Variants in HUNK observed in about 807,000 individuals in gnomAD.
The protein encoded by HUNK is hormonally up-regulated Neu-associated kinase.
Under a neutral mutation model 61.0 loss-of-function variants are expected in HUNK, and 21 were observed. The ratio of observed to expected loss-of-function variants is 0.34; its 90% CI spans 0.24 to 0.50. The LOEUF is 0.50. Among genes scored for constraint, HUNK ranks in the 20% least tolerant of loss-of-function variants. The probability of loss-of-function intolerance (pLI) is 0.98; values close to 1 mark genes in which losing one functional copy is unlikely to be tolerated. For synonymous variants in HUNK, 371 were observed against 386.1 expected (o/e 0.96, Z 0.46); for missense variants, 772 against 945.7 (o/e 0.82, Z 2.41).
rs2053258072 is a variant in HUNK, at chr21:32,003,290, G to T, written c.*4106G>T. 1 of 152,198 alleles carries T rather than the reference G, an allele frequency of 6.6e-6. No homozygotes were observed. The highest frequency in any genetic ancestry group is 1.9e-4 in the East Asian group (1 of 5,198). 9.4% of individuals were successfully genotyped at this position (152,198 alleles called of 1,614,324 possible). On this transcript the variant is annotated 3_prime_UTR_variant, in exon 11 of 11. Transcript: ENST00000270112. ...CCATCCACTCTTGAAGCTGGGGAAA[G>T]ACAGCTTTCTTTGGGAACTCTGTCT...
intron 10 of HUNK, among the ~76,000 whole-genome samples, chr21:31,997,668 T>C (rs1410403471): frequency 6.6e-6 from 1 of 152,256 alleles, no homozygotes. Flanking sequence ...ATATACTTAT[T>C]ATTGCTGAAC....
chr21:31,981,790 G>T (rs996492000), intron 7 of HUNK, among the ~76,000 whole-genome samples: 2 of 152,124 alleles, frequency 1.3e-5, no homozygotes, highest in Non-Finnish European at 2.9e-5. Flanking sequence ...ATAAGATCGT[G>T]TATCTACAAA....
chr21:31,995,916 G>A lies in HUNK; in HGVS notation c.1454G>A (p.Arg485Gln), dbSNP rs769777844. 4.5e-5 allele frequency: 72 copies of A among 1,613,694 alleles called. 1 individual carries two copies. The South Asian group carries it at 5.6e-4, about 13-fold the overall frequency. ...AACACCAAAGCCCTCCTGAAGGACC[G>A]GAAGGCCTCCAAGTCCAGCTTCCCC... Reference protein sequence around the residue: ...IQNTKALLKDRKASKSSFPDK... With the variant: ...IQNTKALLKDQKASKSSFPDK... The change falls in exon 10 of 11, where the codon CGG (arginine) becomes CAG (glutamine). Residue 485 changes from arginine (R) to glutamine (Q), a missense_variant. Physicochemically the swap from Arg to Gln is conservative, Grantham distance 43. Around this residue, in one of 2 missense-constraint regions of HUNK, gnomAD observed 413 missense variants for 444.4 expected, o/e 0.93. Coordinates refer to ENST00000270112, the MANE Select transcript of HUNK (RefSeq NM_014586.2).
intron 4 of HUNK, among the ~76,000 whole-genome samples, chr21:31,947,990 C>G (rs1240722521): frequency 6.6e-6 from 1 of 152,178 alleles, no homozygotes; most frequent in East Asian, 1.9e-4. Context: ...TGATGTGTGC[C>G]AGACACCATG....
chr21:31,951,761 G>C (rs2052851457), intron 4 of HUNK, among the ~76,000 whole-genome samples: 1 of 152,230 alleles, frequency 6.6e-6, no homozygotes, highest in Non-Finnish European at 1.5e-5. Context: ...TGGGTGTTCA[G>C]GAGGGAGAGT....
chr21:31,882,937 T>C (rs2052319311), intron 1 of HUNK, among the ~76,000 whole-genome samples: 1 of 152,168 alleles, frequency 6.6e-6, no homozygotes. Context: ...TTATGTTAAT[T>C]AGTTATTGCA....
chr21:31,956,248 T>C (rs2052888688), intron 4 of HUNK, among the ~76,000 whole-genome samples: 1 of 152,206 alleles, frequency 6.6e-6, no homozygotes, highest in Non-Finnish European at 1.5e-5. Flanking sequence ...TGGCTTAGCC[T>C]TGGAAAGCTT....
chr21:31,873,592 A>C lies in HUNK; in HGVS notation c.-83A>C. The stretch of plus-strand genomic sequence containing the variant: ...CTGGGCCCAGGGCGGCGGCGGGAGA[A>C]GCCGGGGAAGCCGAAGAGCCTGGGG... On this transcript the variant is annotated 5_prime_UTR_variant, in exon 1 of 11. Coordinates refer to ENST00000270112, the MANE Select transcript of HUNK (RefSeq NM_014586.2). This position sits in a 1 kb window ranked among gnomAD's most constrained non-coding sequence, Gnocchi z 6.1. 1.0e-6 allele frequency: 1 copy of C among 955,288 alleles called. No homozygotes were observed. Among genetic ancestry groups the C allele is most frequent in the Non-Finnish European group, 1.2e-6 (1 of 802,734 alleles). 59.2% of individuals were successfully genotyped at this position (955,288 alleles called of 1,614,324 possible).
chr21:31,973,697 C>T (rs976808022), intron 6 of HUNK, among the ~76,000 whole-genome samples: 1 of 152,082 alleles, frequency 6.6e-6, no homozygotes, highest in African/African-American at 2.4e-5. Flanking sequence ...CACTTCCTGC[C>T]TGTGTGACCC....
intron 1 of HUNK, among the ~76,000 whole-genome samples, chr21:31,882,657 G>A (rs921466954): frequency 5.3e-5 from 8 of 151,990 alleles, no homozygotes; most frequent in Non-Finnish European, 1.0e-4. Flanking sequence ...TCATTTCCAC[G>A]GGTTGGTATT....
chr21:31,983,413 C>A, intron 7 of HUNK, 113 bp from the exon 8 acceptor site: 1 of 827,520 alleles, frequency 1.2e-6, no homozygotes, highest in Non-Finnish European at 1.9e-6. Flanking sequence ...ACTGGACTGC[C>A]AAACATTTCC....
intron 2 of HUNK, among the ~76,000 whole-genome samples, chr21:31,934,305 C>T (rs559168543): frequency 1.5e-4 from 22 of 151,494 alleles, no homozygotes; most frequent in African/African-American, 4.4e-4. Context: ...TAGCCGGGTG[C>T]GGTGGCGGGC....
At chr21:31,993,628 T>C (rs377513804) in intron 9 of HUNK, among the ~76,000 whole-genome samples, 1 of 152,196 alleles carries the variant, frequency 6.6e-6, no homozygotes, top group East Asian at 1.9e-4. Flanking sequence ...GCCGGTAACA[T>C]TGCCTTTGCT....
At chr21:31,875,447 GA>G (rs2052254046) in intron 1 of HUNK, among the ~76,000 whole-genome samples, 1 of 152,152 alleles carries the variant, frequency 6.6e-6, no homozygotes, top group Admixed American at 6.5e-5. Flanking sequence ...CCTCCTGCCT[GA>G]ATTCCCATGC....
chr21:31,920,289 G>A (rs1298980875), intron 1 of HUNK, among the ~76,000 whole-genome samples: 2 of 152,204 alleles, frequency 1.3e-5, no homozygotes, highest in Non-Finnish European at 2.9e-5. Context: ...AATAACTTCT[G>A]CAAAGACCCT....
At chr21:31,948,708 C>G (rs939461800) in intron 4 of HUNK, among the ~76,000 whole-genome samples, 5 of 151,972 alleles carry the variant, frequency 3.3e-5, no homozygotes, top group Admixed American at 2.6e-4. Flanking sequence ...GAGGAAGGAG[C>G]AGGCATTTCA....
At chr21:31,922,579 G>T (rs1247918807) in intron 1 of HUNK, among the ~76,000 whole-genome samples, 1 of 151,992 alleles carries the variant, frequency 6.6e-6, no homozygotes, top group Non-Finnish European at 1.5e-5. Context: ...CACCCTCCTC[G>T]GCCTCCCAAA....
chr21:31,950,598 A>G (rs1158584411), intron 4 of HUNK, among the ~76,000 whole-genome samples: 2 of 152,152 alleles, frequency 1.3e-5, no homozygotes, highest in Non-Finnish European at 2.9e-5. Context: ...TGAATTTCCT[A>G]CTGCTTTGGG....
chr21:31,967,275 A>C (rs1158991645), intron 5 of HUNK, among the ~76,000 whole-genome samples: 1 of 152,174 alleles, frequency 6.6e-6, no homozygotes, highest in Non-Finnish European at 1.5e-5. Flanking sequence ...CACCTGAGCC[A>C]GAGAGATCAA....
Sources: allele counts gnomAD v4.1 joint callset (sites outside exome capture counted in the v4.1 genomes callset), GRCh38; gene constraint gnomAD v4.1.1; regional missense constraint gnomAD v4.1.1; non-coding constraint Gnocchi (gnomAD v3.1); transcripts MANE v1.5; gene names NCBI Gene and HGNC (gene_info 2026-07-23, HGNC 2026-07-21).